The following WDR27 variants were observed in gnomAD, a reference collection of about 807,000 sequenced individuals.
The protein encoded by WDR27 is WD repeat domain 27.
In WDR27, 100 loss-of-function variants were observed where a neutral mutation model predicts 114.4. The ratio of observed to expected loss-of-function variants is 0.87; its 90% CI spans 0.74 to 1.03. The LOEUF (loss-of-function observed/expected upper bound fraction) is 1.03, where lower values mean the gene tolerates loss of function less well. Among genes scored for constraint, WDR27 ranks in the 50% least tolerant of loss-of-function variants. The pLI is 0.00. For missense variants in WDR27, 1,129 were observed against 1,092.9 expected, an observed-to-expected ratio of 1.03 and a Z score of -0.47; for synonymous variants, 449 against 423.1, an observed-to-expected ratio of 1.06 and a Z score of -0.75.
At chr6:169,636,254 T>TA in intron 19 of WDR27, 117 bp downstream of exon 19, 2 of 1,222,450 alleles carry the variant, frequency 1.6e-6, no homozygotes, top group Middle Eastern at 2.0e-4. Context: ...AGTTTGGTGA[T>TA]ATGAGGTCAT....
intron 24 of WDR27, 50 bp downstream of exon 24, chr6:169,582,786 G>A (rs776111433): frequency 4.0e-5 from 57 of 1,416,394 alleles, no homozygotes; most frequent in Middle Eastern, 1.8e-4. Flanking sequence ...AAAATATAAT[G>A]TAAGACTTGT....
chr6:169,482,259 A>T (rs1412034259), intron 25 of WDR27, among the ~76,000 whole-genome samples: 1 of 152,206 alleles, frequency 6.6e-6, no homozygotes, highest in Non-Finnish European at 1.5e-5. Context: ...CAATGAACAT[A>T]CATGTGCATG....
chr6:169,668,347 G>A (rs921970639), intron 4 of WDR27, among the ~76,000 whole-genome samples, 162 bp from the exon 5 acceptor site: 8 of 152,146 alleles, frequency 5.3e-5, no homozygotes, highest in East Asian at 1.9e-4. Context: ...AACCCTGAGC[G>A]AATTAGGAAG....
chr6:169,529,315 G>GC (rs1007725384), intron 25 of WDR27, among the ~76,000 whole-genome samples: 3 of 94,788 alleles, frequency 3.2e-5, no homozygotes, highest in Non-Finnish European at 5.9e-5. Flanking sequence ...ACCTCTGCGG[G>GC]GGGGGGGGGC....
chr6:169,462,346 A>G (rs553802806), intron 25 of WDR27, among the ~76,000 whole-genome samples: 1 of 152,168 alleles, frequency 6.6e-6, no homozygotes, highest in African/African-American at 2.4e-5. Context: ...CTGAGGAAGG[A>G]GAATCGCTTG....
At chr6:169,640,822 T>TGACCTACA (rs139588331) in intron 17 of WDR27, among the ~76,000 whole-genome samples, 1 of 151,568 alleles carries the variant, frequency 6.6e-6, no homozygotes, top group East Asian at 2.0e-4. Context: ...CTCCACTGCC[T>TGACCTACA]GGCTGCAAGA....
At chr6:169,572,641 T>G (rs1167944523) in intron 24 of WDR27, 101 bp from the exon 25 acceptor site, 2 of 151,306 alleles carry the variant, frequency 1.3e-5, no homozygotes, top group Non-Finnish European at 2.9e-5. Flanking sequence ...GAGCAGTAAA[T>G]TAAAATCGGG....
Position 169,672,393 on chromosome 6 carries a change from G to A in WDR27, c.193C>T (p.Leu65=). 1 of 1,590,732 alleles carries A rather than the reference G, an allele frequency of 6.3e-7. No individual in the cohort carries two copies. Among genetic ancestry groups the A allele is most frequent in the Non-Finnish European group, 8.6e-7 (1 of 1,169,156 alleles). ...WNTKDPSHQL[L]ILRGHHQPIT... The stretch of plus-strand genomic sequence containing the variant: ...GGCTGATGGTGTCCTCGTAGGATTA[G>A]AAGCTGGGAAAATTAACAAAAATAA... The change falls in exon 3 of 26, where the codon CTA becomes TTA. Residue 65 remains leucine (L), a synonymous_variant. Transcript: ENST00000448612.
intron 25 of WDR27, among the ~76,000 whole-genome samples, chr6:169,552,973 G>GGT (rs3975497): frequency 0.052 from 3,192 of 61,678 alleles, 347 homozygotes; most frequent in East Asian, 0.071. Context: ...GGGCCTGCCC[G>GGT]GTGTGTGTGT....
At chr6:169,647,676 A>G in intron 16 of WDR27, 97 bp downstream of exon 16, 3 of 1,111,428 alleles carry the variant, frequency 2.7e-6, no homozygotes, top group African/African-American at 3.1e-5. Context: ...TTAAAAATAT[A>G]TTTACAATTA....
At chr6:169,694,673 A>G (rs1785376466) in intron 1 of WDR27, among the ~76,000 whole-genome samples, 1 of 152,252 alleles carries the variant, frequency 6.6e-6, no homozygotes, top group Non-Finnish European at 1.5e-5. Flanking sequence ...AAACAGTTAT[A>G]GCACATGACT....
chr6:169,695,677 T>C (rs1785724699), intron 1 of WDR27, among the ~76,000 whole-genome samples: 2 of 152,122 alleles, frequency 1.3e-5, no homozygotes, highest in African/African-American at 4.8e-5. Context: ...AGTAACACTC[T>C]CCCTAAGATG....
chr6:169,614,736 T>G (rs1811393587), intron 21 of WDR27, among the ~76,000 whole-genome samples: 1 of 151,618 alleles, frequency 6.6e-6, no homozygotes. Context: ...AAAGCTGTAA[T>G]ACATGTTTTA....
intron 25 of WDR27, among the ~76,000 whole-genome samples, chr6:169,471,566 A>G (rs1786396902): frequency 6.6e-6 from 1 of 152,206 alleles, no homozygotes; most frequent in Non-Finnish European, 1.5e-5. Context: ...CTTGAATACT[A>G]TGTCATCTGA....
At chr6:169,489,630 T>C (rs1789469858) in intron 25 of WDR27, among the ~76,000 whole-genome samples, 1 of 152,206 alleles carries the variant, frequency 6.6e-6, no homozygotes, top group Non-Finnish European at 1.5e-5. Context: ...TAAGGAGTTG[T>C]CTTGATTTAC....
At chr6:169,570,338 T>G (rs1037960364) in intron 25 of WDR27, among the ~76,000 whole-genome samples, 17 of 152,066 alleles carry the variant, frequency 1.1e-4, no homozygotes, top group African/African-American at 4.1e-4. Context: ...CTAGACCAGG[T>G]GGGACCCAGA....
chr6:169,489,446 C>T (rs151190185), intron 25 of WDR27, among the ~76,000 whole-genome samples: 90 of 152,346 alleles, frequency 5.9e-4, no homozygotes, highest in South Asian at 1.7e-3. Flanking sequence ...GCCCATCGCC[C>T]GCTGTGATCT....
intron 25 of WDR27, among the ~76,000 whole-genome samples, chr6:169,505,243 G>A (rs1405559411): frequency 6.6e-6 from 1 of 152,084 alleles, no homozygotes; most frequent in East Asian, 1.9e-4. Flanking sequence ...GAAATCACTT[G>A]CTAATTATCA....
intron 1 of WDR27, among the ~76,000 whole-genome samples, chr6:169,693,352 A>G (rs189847101): frequency 5.4e-4 from 83 of 152,368 alleles, no homozygotes; most frequent in Non-Finnish European, 9.8e-4. Context: ...AAATCTTGAA[A>G]CAAAACCTTG....
Sources: gnomAD v4.1 joint callset for allele counts (sites outside exome capture counted in the v4.1 genomes callset) on GRCh38, gnomAD v4.1.1 for gene constraint, MANE v1.5 for transcripts, NCBI Gene and HGNC (gene_info 2026-07-23, HGNC 2026-07-21) for gene names.